Variants in SCN8A observed in about 807,000 individuals in gnomAD.
SCN8A encodes sodium voltage-gated channel alpha subunit 8.
A neutral mutation model predicts 184.1 loss-of-function variants in SCN8A; 30 were observed. The observed-to-expected ratio is 0.16, with a 90% CI of 0.12 to 0.22. The LOEUF is 0.22. Ranked by LOEUF, SCN8A falls within the 10% of genes least tolerant of loss-of-function variation. SCN8A has a pLI of 1.00. For synonymous variants in SCN8A, 852 were observed against 907.0 expected (o/e 0.94, Z 1.09); for missense variants, 1,057 against 2,498.9 (o/e 0.42, Z 12.30).
intron 1 of SCN8A, among the ~76,000 whole-genome samples, chr12:51,607,933 T>G (rs1446966373): frequency 1.3e-5 from 2 of 152,106 alleles, no homozygotes; most frequent in Non-Finnish European, 2.9e-5. Flanking sequence ...AGGGTGATGC[T>G]GGCTTCATAG....
chr12:51,725,953 A>C (rs1942148697), intron 12 of SCN8A, among the ~76,000 whole-genome samples: 1 of 152,244 alleles, frequency 6.6e-6, no homozygotes, highest in Non-Finnish European at 1.5e-5. Context: ...ACAGAGTGGC[A>C]TAGGAGCCAC....
intron 1 of SCN8A, among the ~76,000 whole-genome samples, chr12:51,623,796 G>C (rs552502127): frequency 1.3e-5 from 2 of 152,144 alleles, no homozygotes; most frequent in South Asian, 4.2e-4. Context: ...CCCGGTGTGT[G>C]ATGTTCCCCT....
chr12:51,731,146 G>C (rs937536548), intron 12 of SCN8A, among the ~76,000 whole-genome samples: 1 of 152,146 alleles, frequency 6.6e-6, no homozygotes, highest in Non-Finnish European at 1.5e-5. Flanking sequence ...TCCAAATCTT[G>C]GCTGTTATGA....
At chr12:51,779,499 C>A (rs1429034488) in intron 20 of SCN8A, among the ~76,000 whole-genome samples, 1 of 152,184 alleles carries the variant, frequency 6.6e-6, no homozygotes, top group Non-Finnish European at 1.5e-5. Context: ...GGTACGGCAA[C>A]ATATTCAACT....
intron 14 of SCN8A, among the ~76,000 whole-genome samples, chr12:51,753,426 G>C (rs913594932): frequency 6.6e-5 from 10 of 152,156 alleles, no homozygotes; most frequent in Admixed American, 6.5e-5. Flanking sequence ...CTGGCTTGAC[G>C]TATAAAATCA....
In SCN8A at chr12:51,805,706, A is replaced by G. The variant is rs574250788; in HGVS notation, c.4796-576A>G. Among the ~76,000 whole-genome samples, 198 of 152,322 alleles carry G rather than the reference A, an allele frequency of 1.3e-3. 1 individual carries two copies. Among genetic ancestry groups the G allele is most frequent in the African/African-American group, 4.5e-3 (186 of 41,572 alleles). On this transcript the variant is annotated intron_variant, in intron 26 of 26. Coordinates refer to ENST00000627620, the MANE Select transcript of SCN8A (RefSeq NM_001330260.2). ...CCAGGAGTTCAAGACCAGCCTGGGC[A>G]ACATAGCAAGACCCCATCTCAAAAC...
chr12:51,762,423 C>A, intron 14 of SCN8A, 80 bp from the exon 15 acceptor site: 1 of 1,322,900 alleles, frequency 7.6e-7, no homozygotes, highest in Non-Finnish European at 1.1e-6. Context: ...GTTTCTTGGA[C>A]ATGTTGTTTT....
At chr12:51,796,321 C>G (rs895107872) in intron 26 of SCN8A, among the ~76,000 whole-genome samples, 3 of 152,240 alleles carry the variant, frequency 2.0e-5, no homozygotes, top group African/African-American at 7.2e-5. Context: ...GTCCATTCTC[C>G]TAATTTCTCA....
chr12:51,686,365 T>C lies in SCN8A; in HGVS notation c.396-3T>C, dbSNP rs752458453. 3.1e-6 allele frequency: 5 copies of C among 1,599,094 alleles called. No individual in the cohort carries two copies. Among genetic ancestry groups the C allele is most frequent in the Non-Finnish European group, 4.3e-6 (5 of 1,167,376 alleles). On this transcript the variant is annotated splice_region_variant and splice_polypyrimidine_tract_variant and intron_variant, in intron 3 of 26. Coordinates refer to ENST00000627620, the MANE Select transcript of SCN8A (RefSeq NM_001330260.2). ...TTAATATTGCCCCTTGACTCTTCTC[T>C]ACAGTATTTAGCATGATCATTATGT... is the stretch of plus-strand genomic sequence containing the variant.
intron 18 of SCN8A, chr12:51,770,246 C>G: frequency 1.7e-6 from 1 of 585,700 alleles, no homozygotes; most frequent in Non-Finnish European, 3.0e-6. Context: ...ATGTCCTGTT[C>G]TGTCATGGCT....
intron 26 of SCN8A, among the ~76,000 whole-genome samples, chr12:51,798,261 A>C (rs1340305780): frequency 6.6e-6 from 1 of 152,222 alleles, no homozygotes; most frequent in Non-Finnish European, 1.5e-5. Context: ...TTAGCTGTAA[A>C]GTGAGTGCCT....
intron 26 of SCN8A, among the ~76,000 whole-genome samples, chr12:51,799,758 A>C (rs1265525453): frequency 1.3e-5 from 2 of 152,244 alleles, no homozygotes; most frequent in Non-Finnish European, 2.9e-5. Context: ...TGTTGCCCCC[A>C]AAATCCAAAT....
At chr12:51,616,526 C>T (rs1232219633) in intron 1 of SCN8A, among the ~76,000 whole-genome samples, 1 of 151,990 alleles carries the variant, frequency 6.6e-6, no homozygotes, top group Non-Finnish European at 1.5e-5. Context: ...GCAGGAGAAT[C>T]ATTTGAACCC....
At chr12:51,790,979 C>T (rs2138912655) in intron 25 of SCN8A, among the ~76,000 whole-genome samples, 2 of 152,286 alleles carry the variant, frequency 1.3e-5, no homozygotes, top group Middle Eastern at 3.4e-3. Flanking sequence ...CTATGGGAGT[C>T]TGGTGCCCTG....
intron 6 of SCN8A, among the ~76,000 whole-genome samples, chr12:51,697,219 T>C (rs1941610370): frequency 6.6e-6 from 1 of 152,112 alleles, no homozygotes; most frequent in Admixed American, 6.5e-5. Flanking sequence ...TCATAATCCC[T>C]TTGTGGCCAC....
At chr12:51,724,349 A>C (rs914536738) in intron 12 of SCN8A, among the ~76,000 whole-genome samples, 6 of 152,180 alleles carry the variant, frequency 3.9e-5, no homozygotes, top group African/African-American at 1.4e-4. Context: ...TGGGAAGCCA[A>C]GGCACGAGAA....
chr12:51,681,216 T>C (rs1013682561), intron 2 of SCN8A, among the ~76,000 whole-genome samples: 7 of 152,066 alleles, frequency 4.6e-5, no homozygotes, highest in African/African-American at 1.7e-4. Context: ...CCACACCAAC[T>C]TCATTCTTTG....
chr12:51,687,137 A>G lies in SCN8A; in HGVS notation c.532A>G (p.Ile178Val). 6.2e-7 allele frequency: 1 copy of G among 1,613,494 alleles called. No homozygotes were observed. The highest frequency in any genetic ancestry group is 8.5e-7 in the Non-Finnish European group (1 of 1,179,504). ...IYTFESLVKIIARGFCIDGFT... is the reference protein window; with the variant it reads ...IYTFESLVKIVARGFCIDGFT... ...TACATTTGAATCACTAGTGAAAATC[A>G]TTGCAAGAGGTTTCTGCATAGATGG... The change falls in exon 5 of 27, where the codon ATT (isoleucine) becomes GTT (valine). Residue 178 changes from isoleucine (I) to valine (V), a missense_variant. By Grantham distance (29) the Ile-to-Val change is conservative. Transcript: ENST00000627620.
In SCN8A at chr12:51,810,829, C is replaced by T. The variant is rs1404363543; in HGVS notation, c.*3400C>T. 6.6e-6 allele frequency: 1 copy of T among 152,234 alleles called. No homozygotes were observed. The highest frequency in any genetic ancestry group is 1.5e-5 in the Non-Finnish European group (1 of 68,110). 9.4% of individuals were successfully genotyped at this position (152,234 alleles called of 1,614,324 possible). ...GAAGAAACTTCCATGTTAACATGGC[C>T]TACTCTCACTCCTTTCTAAACGAGC... On this transcript the variant is annotated 3_prime_UTR_variant, in exon 27 of 27. Coordinates refer to ENST00000627620, the MANE Select transcript of SCN8A (RefSeq NM_001330260.2).
Sources: gnomAD v4.1 joint callset for allele counts (sites outside exome capture counted in the v4.1 genomes callset) on GRCh38, gnomAD v4.1.1 for gene constraint, MANE v1.5 for transcripts, NCBI Gene and HGNC (gene_info 2026-07-23, HGNC 2026-07-21) for gene names.